The following PRPF6 variants were observed in gnomAD, a reference collection of about 807,000 sequenced individuals.
PRPF6 encodes the protein pre-mRNA-processing factor 6.
A neutral mutation model predicts 118.3 loss-of-function variants in PRPF6; 42 were observed. The observed-to-expected ratio is 0.35, with a 90% CI of 0.28 to 0.46. PRPF6 has a LOEUF of 0.46. Ranked by LOEUF, PRPF6 falls within the 20% of genes least tolerant of loss-of-function variation. PRPF6 has a pLI of 1.00. For synonymous variants in PRPF6, 481 were observed against 485.1 expected, an observed-to-expected ratio of 0.99 and a Z score of 0.11; for missense variants, 662 against 1,255.7, an observed-to-expected ratio of 0.53 and a Z score of 7.15.
At chr20:63,998,607 C>T (rs944782939) in intron 6 of PRPF6, among the ~76,000 whole-genome samples, 2 of 149,790 alleles carry the variant, frequency 1.3e-5, no homozygotes, top group African/African-American at 2.4e-5. Flanking sequence ...TTTGGGAGGC[C>T]GAGGCGGGCG....
rs547021979 is a variant in PRPF6 at position 64,029,059 on chromosome 20, C to G, written c.2432-318C>G. ...GCGGGCGCCTGTAATCCCAGCTACT[C>G]GGGAGGCTGAGGCAGGAGAATTGCT... On this transcript the variant is annotated intron_variant, in intron 18 of 20. Coordinates refer to ENST00000266079, the MANE Select transcript of PRPF6 (RefSeq NM_012469.4). This position sits in a 1 kb window ranked among gnomAD's most constrained non-coding sequence, Gnocchi z 4.8. Among the ~76,000 whole-genome samples the G allele has an allele frequency of 6.6e-6, 1 of 152,020 alleles. No homozygotes were observed. Among genetic ancestry groups the G allele is most frequent in the Non-Finnish European group, 1.5e-5 (1 of 68,010 alleles).
At chr20:63,989,939 A>G (rs1174665748) in intron 3 of PRPF6, among the ~76,000 whole-genome samples, 1 of 150,024 alleles carries the variant, frequency 6.7e-6, no homozygotes, top group African/African-American at 2.5e-5. Context: ...TATTTTTTTG[A>G]GTCTCCCAGG....
chr20:64,022,798 C>T lies in PRPF6; in HGVS notation c.1689C>T (p.Tyr563=), dbSNP rs764671149. 13 of 1,614,130 alleles carry T rather than the reference C, an allele frequency of 8.1e-6. No individual in the cohort carries two copies. Among genetic ancestry groups the T allele is most frequent in the African/African-American group, 2.7e-5 (2 of 75,048 alleles). ...HNALECARAI[Y]AYALQVFPSK... is the part of the protein sequence containing the mutation. Reference sequence around the variant, plus strand: ...CCCTGGAGTGTGCACGAGCCATCTACGCCTACGCCCTGCAGGTGTTCCCCA... The same window carrying T: ...CCCTGGAGTGTGCACGAGCCATCTATGCCTACGCCCTGCAGGTGTTCCCCA... Residue 563 remains tyrosine, a synonymous_variant, in exon 13 of 21, where the codon TAC becomes TAT. Coordinates refer to ENST00000266079, the MANE Select transcript of PRPF6 (RefSeq NM_012469.4).
rs6122235 is a variant in PRPF6 at position 64,032,077 on chromosome 20, C to A, written c.2673+33C>A. Reference sequence around the variant, plus strand: ...CCCTCGACAGACCGCCGCTCAGTGCCTTCTGGGACTGTGGCGGGGAGTTCC... The same window carrying A: ...CCCTCGACAGACCGCCGCTCAGTGCATTCTGGGACTGTGGCGGGGAGTTCC... On this transcript the variant is annotated intron_variant, in intron 20 of 20. Transcript: ENST00000266079. 4 of 1,613,212 alleles carry A rather than the reference C, an allele frequency of 2.5e-6. No individual in the cohort carries two copies. In the East Asian group the frequency reaches 8.9e-5, roughly 36 times the overall value.
Position 64,028,556 on chromosome 20 carries a change from G to A in PRPF6, c.2418G>A (p.Glu806=). 6.2e-7 allele frequency: 1 copy of A among 1,613,466 alleles called. No individual in the cohort carries two copies. Among genetic ancestry groups the A allele is most frequent in the South Asian group, 1.1e-5 (1 of 91,072 alleles). The change falls in exon 18 of 21, where the codon GAG becomes GAA. Residue 806 remains glutamate, a synonymous_variant. Coordinates refer to ENST00000266079, the MANE Select transcript of PRPF6 (RefSeq NM_012469.4). This position sits in a 1 kb window ranked among gnomAD's most constrained non-coding sequence, Gnocchi z 6.5. The part of the protein sequence containing the change: ...ANTLMAKALQ[E]CPNSGILWSE... The stretch of plus-strand genomic sequence containing the variant: ...CACTCATGGCCAAGGCGCTGCAGGA[G>A]TGCCCCAACTCCGGTAAGGGGGTGC...
chr20:64,015,771 T>C (rs961582014), intron 11 of PRPF6, among the ~76,000 whole-genome samples: 2 of 152,220 alleles, frequency 1.3e-5, no homozygotes, highest in Non-Finnish European at 2.9e-5. Context: ...CAGCACATGT[T>C]TCAATGTTGC....
Position 64,026,111 on chromosome 20 carries a change from C to T in PRPF6, c.2028+53C>T, listed in dbSNP as rs1601532257. On this transcript the variant is annotated intron_variant, in intron 15 of 20. Transcript: ENST00000266079. The surrounding 1 kb of genome is among the most constrained non-coding windows in gnomAD (Gnocchi z 4.4). Reference sequence around the variant, plus strand: ...GTCTGGGGTGCATGGTGTGCACATGCGGGCCCCACGCCTGGCTTGGGTGGT... The same window carrying T: ...GTCTGGGGTGCATGGTGTGCACATGTGGGCCCCACGCCTGGCTTGGGTGGT... The T allele has an allele frequency of 8.1e-6, 13 of 1,595,120 alleles. No homozygotes were observed. Among genetic ancestry groups the T allele is most frequent in the Middle Eastern group, 2.0e-4 (1 of 4,960 alleles).
At chr20:63,997,111 C>G (rs1247079291) in intron 6 of PRPF6, among the ~76,000 whole-genome samples, 1 of 152,078 alleles carries the variant, frequency 6.6e-6, no homozygotes, top group Non-Finnish European at 1.5e-5. Flanking sequence ...AAACTCCGTA[C>G]CTGTTAAACA....
In PRPF6 at chr20:64,001,196, G is replaced by A. The variant is rs1206915218; in HGVS notation, c.1143G>A (p.Glu381=). 1.9e-6 allele frequency: 3 copies of A among 1,614,104 alleles called. No homozygotes were observed. The highest frequency in any genetic ancestry group is 1.3e-5 in the African/African-American group (1 of 74,932). Residue 381 remains glutamate, a synonymous_variant, in exon 9 of 21, where the codon GAG becomes GAA. Coordinates refer to ENST00000266079, the MANE Select transcript of PRPF6 (RefSeq NM_012469.4). ...QSVRIYIRAA[E]LETDIRAKKR... ...TCAGGATTTACATCAGAGCCGCAGA[G>A]CTGGAAACGGACATTCGTGCAAAGA...
Position 64,029,337 on chromosome 20 carries a change from G to T in PRPF6, c.2432-40G>T, listed in dbSNP as rs753625637. On this transcript the variant is annotated intron_variant, in intron 18 of 20. Coordinates refer to ENST00000266079, the MANE Select transcript of PRPF6 (RefSeq NM_012469.4). This position sits in a 1 kb window ranked among gnomAD's most constrained non-coding sequence, Gnocchi z 4.8. ...GCTGGGCACCTTTCCGGAACCAGAG[G>T]CTGGAGTGCAAATCTTTGTTCTTTG... is the stretch of plus-strand genomic sequence containing the variant. The T allele has an allele frequency of 6.3e-7, 1 of 1,584,476 alleles. No homozygotes were observed. Among genetic ancestry groups the T allele is most frequent in the Non-Finnish European group, 8.7e-7 (1 of 1,153,688 alleles).
At chr20:63,988,278 C>G (rs1011599527) in intron 3 of PRPF6, among the ~76,000 whole-genome samples, 10 of 151,662 alleles carry the variant, frequency 6.6e-5, no homozygotes, top group African/African-American at 2.4e-4. Context: ...TGAGATTGCA[C>G]CACTGCACTC....
At chr20:63,997,068 C>G (rs962954289) in intron 6 of PRPF6, among the ~76,000 whole-genome samples, 4 of 152,114 alleles carry the variant, frequency 2.6e-5, no homozygotes, top group Non-Finnish European at 5.9e-5. Context: ...CATCACCATT[C>G]ATCTCCAGAA....
chr20:64,032,108 C>A (rs1009207835), intron 20 of PRPF6, 64 bp downstream of exon 20: 13 of 1,609,304 alleles, frequency 8.1e-6, no homozygotes, highest in Non-Finnish European at 9.3e-6. Flanking sequence ...GTTCCGCCAG[C>A]CCTGGGGGCT....
At chr20:63,981,400 A>T in intron 1 of PRPF6, 84 bp downstream of exon 1, 1 of 1,322,086 alleles carries the variant, frequency 7.6e-7, no homozygotes, top group Non-Finnish European at 1.0e-6. Context: ...GCGGGGGTCT[A>T]TGGCCGCGCA....
chr20:64,005,273 G>A (rs114208957), intron 9 of PRPF6, among the ~76,000 whole-genome samples: 1,684 of 152,314 alleles, frequency 0.011, 35 homozygotes, highest in African/African-American at 0.039. Flanking sequence ...AAGACACAGA[G>A]TCCTGGGAGT....
intron 1 of PRPF6, among the ~76,000 whole-genome samples, chr20:63,981,943 A>T (rs2122963746): frequency 6.6e-6 from 1 of 152,138 alleles, no homozygotes; most frequent in East Asian, 1.9e-4. Flanking sequence ...GTTTAGTAAG[A>T]GAGCTGGACT....
rs11476285 is a variant in PRPF6 at position 64,000,456 on chromosome 20, C to CAA, written c.1024-605_1024-604dup. 8.5e-4 allele frequency among the ~76,000 whole-genome samples: 95 copies of CAA among 111,388 alleles called. 1 individual carries two copies. The highest frequency in any genetic ancestry group is 1.9e-3 in the African/African-American group (59 of 30,848). 73.1% of individuals were successfully genotyped at this position (111,388 alleles called of 152,430 possible). ...TGGGCGACAGAGCGAGATTCCGTCT[C>CAA]AAAAAAAAAAAAAAAAACAACAAAA... On this transcript the variant is annotated intron_variant, in intron 8 of 20. Transcript: ENST00000266079.
At chr20:64,021,635 G>C (rs1278348408) in intron 12 of PRPF6, among the ~76,000 whole-genome samples, 2 of 145,326 alleles carry the variant, frequency 1.4e-5, no homozygotes, top group Non-Finnish European at 3.0e-5. Context: ...GTTTGTGTGT[G>C]TGCGTGCACA....
At chr20:63,999,915 T>A (rs1053467686) in intron 8 of PRPF6, among the ~76,000 whole-genome samples, 156 bp downstream of exon 8, 1 of 151,934 alleles carries the variant, frequency 6.6e-6, no homozygotes, top group African/African-American at 2.4e-5. Context: ...CAAGGGCTTT[T>A]TCCTGCTTGT....
Sources: allele counts gnomAD v4.1 joint callset (sites outside exome capture counted in the v4.1 genomes callset), GRCh38; gene constraint gnomAD v4.1.1; non-coding constraint Gnocchi (gnomAD v3.1); transcripts MANE v1.5; gene names NCBI Gene and HGNC (gene_info 2026-07-23, HGNC 2026-07-21).